Variants in MTUS2 observed in about 807,000 individuals in gnomAD.
The protein encoded by MTUS2 is microtubule associated scaffold protein 2.
MTUS2 carries 40 observed loss-of-function variants against 114.1 expected under a neutral mutation model. That is an observed-to-expected ratio of 0.35 (90% CI 0.27 to 0.46). MTUS2 has a LOEUF of 0.46. Among genes scored for constraint, MTUS2 ranks in the 20% least tolerant of loss-of-function variants. The probability of loss-of-function intolerance (pLI) is 1.00; values close to 1 mark genes in which losing one functional copy is unlikely to be tolerated. For missense variants in MTUS2, 1,679 were observed against 1,705.4 expected (o/e 0.98, Z 0.27); for synonymous variants, 688 against 672.0 (o/e 1.02, Z -0.37).
chr13:28,960,824 T>TA (rs548117257), intron 2 of MTUS2, among the ~76,000 whole-genome samples: 106 of 152,286 alleles, frequency 7.0e-4, no homozygotes, highest in African/African-American at 2.3e-3. Context: ...CGCTGAATCA[T>TA]ATACTTCAAA....
At chr13:29,199,802 G>T (rs562356653) in intron 5 of MTUS2, among the ~76,000 whole-genome samples, 2 of 152,168 alleles carry the variant, frequency 1.3e-5, no homozygotes, top group East Asian at 3.9e-4. Context: ...TTAGAATTTG[G>T]CTGTGAATCC....
chr13:29,426,305 A>G (rs1221285705), intron 8 of MTUS2, among the ~76,000 whole-genome samples: 2 of 152,226 alleles, frequency 1.3e-5, no homozygotes, highest in African/African-American at 2.4e-5. Flanking sequence ...GGTTATGACA[A>G]TGCACTTTCA....
chr13:28,997,078 G>A lies in MTUS2; in HGVS notation c.-242-27379G>A, dbSNP rs755121197. Among the ~76,000 whole-genome samples, 11 of 152,194 alleles carry A rather than the reference G, an allele frequency of 7.2e-5. 1 individual carries two copies. Among genetic ancestry groups the A allele is most frequent in the Non-Finnish European group, 2.9e-5 (2 of 68,046 alleles). ...CACACTGCTTTGAATGTGTCCCAGAGGTTCTGGTATGTTGTGTCTTTGTTC... is the reference window on the plus strand; with the variant it reads ...CACACTGCTTTGAATGTGTCCCAGAAGTTCTGGTATGTTGTGTCTTTGTTC... On this transcript the variant is annotated intron_variant, in intron 2 of 15. Coordinates refer to ENST00000612955, the MANE Select transcript of MTUS2 (RefSeq NM_001033602.4).
chr13:29,146,498 A>G (rs1186764528), intron 5 of MTUS2, among the ~76,000 whole-genome samples: 1 of 152,182 alleles, frequency 6.6e-6, no homozygotes, highest in Non-Finnish European at 1.5e-5. Context: ...AATTCATACT[A>G]CAGATTACTA....
chr13:29,045,541 G>C (rs926313495), intron 4 of MTUS2, among the ~76,000 whole-genome samples: 2 of 152,146 alleles, frequency 1.3e-5, no homozygotes, highest in African/African-American at 4.8e-5. Context: ...GTACATGAAG[G>C]GGCAATCATT....
intron 6 of MTUS2, among the ~76,000 whole-genome samples, chr13:29,320,635 A>T (rs1283184008): frequency 6.6e-6 from 1 of 152,204 alleles, no homozygotes; most frequent in Non-Finnish European, 1.5e-5. Context: ...TGGAGTTGGG[A>T]CTTCCTACTG....
intron 5 of MTUS2, among the ~76,000 whole-genome samples, chr13:29,252,297 C>T (rs1024852198): frequency 6.6e-6 from 1 of 152,058 alleles, no homozygotes; most frequent in African/African-American, 2.4e-5. Flanking sequence ...TACTCGTTCC[C>T]GTGGACTTAT....
chr13:29,113,439 C>A (rs1250704221), intron 5 of MTUS2, among the ~76,000 whole-genome samples: 1 of 152,150 alleles, frequency 6.6e-6, no homozygotes, highest in South Asian at 2.1e-4. Flanking sequence ...GTAATAGGGC[C>A]CTCCTGTCTC....
chr13:29,203,919 A>G (rs959962804), intron 5 of MTUS2, among the ~76,000 whole-genome samples: 1 of 148,604 alleles, frequency 6.7e-6, no homozygotes, highest in Non-Finnish European at 1.5e-5. Flanking sequence ...GAAATCACCC[A>G]CCCTCTGCAT....
chr13:28,933,241 T>C (rs1881717960), intron 2 of MTUS2, among the ~76,000 whole-genome samples: 1 of 152,062 alleles, frequency 6.6e-6, no homozygotes, highest in South Asian at 2.1e-4. Flanking sequence ...CTGAGATTTG[T>C]AGGGCAGGCT....
In MTUS2 at chr13:29,504,317, C is replaced by G. The variant is rs1051242121; in HGVS notation, c.*1111C>G. On this transcript the variant is annotated 3_prime_UTR_variant, in exon 16 of 16. Coordinates refer to ENST00000612955, the MANE Select transcript of MTUS2 (RefSeq NM_001033602.4). ...TCAGGCCCCCATTTCCTAGCAGCCC[C>G]CCTTCAGTTTGGTTCTACAACTCAA... The G allele has an allele frequency of 4.3e-6, 1 of 232,268 alleles. No homozygotes were observed. Among genetic ancestry groups the G allele is most frequent in the East Asian group, 6.1e-5 (1 of 16,400 alleles). The allele number at this position is 232,268 out of a possible 1,614,324, so 14.4% of individuals were successfully genotyped here. A position where few individuals can be genotyped will look rare whatever the true frequency, so the allele number is the denominator to read the frequency against.
intron 2 of MTUS2, among the ~76,000 whole-genome samples, chr13:28,975,461 TCGCCTGCGG>T (rs1884048564): frequency 4.8e-5 from 7 of 145,816 alleles, no homozygotes; most frequent in South Asian, 2.2e-4. Flanking sequence ...GTTTCCAATC[TCGCCTGCGG>T]CAGCATCGCC....
chr13:29,081,436 A>C (rs772312740), intron 4 of MTUS2, among the ~76,000 whole-genome samples: 1 of 152,054 alleles, frequency 6.6e-6, no homozygotes, highest in Non-Finnish European at 1.5e-5. Context: ...ATGGTGCTCT[A>C]TGAGGCTTAT....
intron 12 of MTUS2, among the ~76,000 whole-genome samples, chr13:29,495,691 C>A (rs1330316423): frequency 6.6e-6 from 1 of 151,870 alleles, no homozygotes; most frequent in Non-Finnish European, 1.5e-5. Flanking sequence ...GGCAACATGG[C>A]AAAACCCCAT....
At chr13:29,400,273 C>T (rs192019258) in intron 8 of MTUS2, among the ~76,000 whole-genome samples, 1 of 152,322 alleles carries the variant, frequency 6.6e-6, no homozygotes, top group East Asian at 1.9e-4. Flanking sequence ...GGATATATAT[C>T]TCCATGTTTA....
intron 5 of MTUS2, among the ~76,000 whole-genome samples, chr13:29,167,075 A>T (rs1361173252): frequency 6.6e-6 from 1 of 152,180 alleles, no homozygotes; most frequent in Non-Finnish European, 1.5e-5. Flanking sequence ...TTAGGCTTTT[A>T]AAAAATGAAG....
intron 5 of MTUS2, among the ~76,000 whole-genome samples, chr13:29,275,194 G>GT (rs1052591786): frequency 3.3e-5 from 5 of 151,724 alleles, no homozygotes; most frequent in African/African-American, 9.7e-5. Flanking sequence ...AAGTTTTATT[G>GT]TTTTTTAGAT....
rs11616797 is a variant in MTUS2, at chr13:29,040,402, A to G, written c.2446+6277A>G. 9.0e-3 allele frequency among the ~76,000 whole-genome samples: 1,377 copies of G among 152,272 alleles called. 13 individuals are homozygous for G. Among genetic ancestry groups the G allele is most frequent in the Middle Eastern group, 0.024 (7 of 294 alleles). ...ATTTGGGCTGATTCCATATTTTTGC[A>G]ATTGCGAATTCTGCTATTATAAACG... On this transcript the variant is annotated intron_variant, in intron 4 of 15. Coordinates refer to ENST00000612955, the MANE Select transcript of MTUS2 (RefSeq NM_001033602.4).
At position 29,273,181 on chromosome 13, in the gene MTUS2, C is replaced by A. The variant is rs148278638; in HGVS notation, c.2645-8523C>A. On this transcript the variant is annotated intron_variant, in intron 5 of 15. Transcript: ENST00000612955. ...TAATGTAGGACCAGAGCAGCTCAGA[C>A]TTACACCTGATTCTGCAGGAGTATA... Among the ~76,000 whole-genome samples, 398 of 152,302 alleles carry A rather than the reference C, an allele frequency of 2.6e-3. 1 individual carries two copies. The highest frequency in any genetic ancestry group is 4.3e-3 in the Non-Finnish European group (293 of 68,026).
Sources: allele counts gnomAD v4.1 joint callset (sites outside exome capture counted in the v4.1 genomes callset), GRCh38; gene constraint gnomAD v4.1.1; transcripts MANE v1.5; gene names NCBI Gene and HGNC (gene_info 2026-07-23, HGNC 2026-07-21).